The following LRP12 variants were observed in gnomAD, a reference collection of about 807,000 sequenced individuals.
LRP12 encodes the protein LDL receptor related protein 12.
LRP12 carries 14 observed loss-of-function variants against 66.0 expected under a neutral mutation model. The ratio of observed to expected loss-of-function variants is 0.21; its 90% CI spans 0.14 to 0.33. LRP12 has a LOEUF of 0.33. Ranked by LOEUF, LRP12 falls within the 10% of genes least tolerant of loss-of-function variation. The pLI, the probability that LRP12 is intolerant of heterozygous loss-of-function variation, is 1.00. For synonymous variants in LRP12, 357 were observed against 359.1 expected (o/e 0.99, Z 0.07); for missense variants, 889 against 1,053.4 (o/e 0.84, Z 2.16).
At chr8:104,529,702 A>G (rs569164005) in intron 2 of LRP12, among the ~76,000 whole-genome samples, 18 of 152,352 alleles carry the variant, frequency 1.2e-4, no homozygotes, top group African/African-American at 3.8e-4. Context: ...CATTATAAAA[A>G]CATACATGGT....
Position 104,588,964 on chromosome 8 carries a change from A to ACGCCGACGCCGCCGC in LRP12, c.-82_-68dup, listed in dbSNP as rs1197832430. The ACGCCGACGCCGCCGC allele has an allele frequency of 3.8e-5, 34 of 905,916 alleles. No individual in the cohort carries two copies. The East Asian group carries it at 1.1e-3, about 30-fold the overall frequency. 56.1% of individuals were successfully genotyped at this position (905,916 alleles called of 1,614,324 possible). A position where few individuals can be genotyped will look rare whatever the true frequency, so the allele number is the denominator to read the frequency against. ...AGGGAGGAGAAGCTGGAGGTAGACGACGCCGACGCCGCCGCCGCCGCCGCC... is the reference window on the plus strand; with the variant it reads ...AGGGAGGAGAAGCTGGAGGTAGACGACGCCGACGCCGCCGCCGCCGACGCCGCCGCCGCCGCCGCC... On this transcript the variant is annotated 5_prime_UTR_variant, in exon 1 of 7. Transcript: ENST00000276654.
chr8:104,506,200 C>G (rs944667576), intron 3 of LRP12: 2 of 151,706 alleles, frequency 1.3e-5, no homozygotes, highest in Admixed American at 6.6e-5. Context: ...CTTTGTAATG[C>G]TATGTATTTT....
intron 1 of LRP12, among the ~76,000 whole-genome samples, chr8:104,571,494 A>G (rs920514544): frequency 6.6e-6 from 1 of 152,170 alleles, no homozygotes; most frequent in Non-Finnish European, 1.5e-5. Flanking sequence ...GTGAGTTCTC[A>G]TGAGATCTGA....
At chr8:104,533,110 CAATT>C (rs1429817006) in intron 1 of LRP12, among the ~76,000 whole-genome samples, 3 of 152,104 alleles carry the variant, frequency 2.0e-5, no homozygotes, top group Admixed American at 6.6e-5. Flanking sequence ...ATATTTCCCT[CAATT>C]AAGAATGAAA....
At chr8:104,580,358 T>TACAAAAAAAAAAA (rs1554712302) in intron 1 of LRP12, among the ~76,000 whole-genome samples, 2 of 92,196 alleles carry the variant, frequency 2.2e-5, no homozygotes, top group Admixed American at 1.2e-4. Flanking sequence ...CTACTAAAAA[T>TACAAAAAAAAAAA]AAAAAAAAAA....
At chr8:104,573,037 C>T (rs1812106041) in intron 1 of LRP12, among the ~76,000 whole-genome samples, 1 of 152,150 alleles carries the variant, frequency 6.6e-6, no homozygotes, top group African/African-American at 2.4e-5. Context: ...GAATCGTATA[C>T]AAATGTAATT....
intron 1 of LRP12, chr8:104,565,963 AGGGAGAGGGGGCGACG>A (rs1408535787): frequency 5.6e-5 from 4 of 71,978 alleles, no homozygotes; most frequent in South Asian, 4.5e-4. Context: ...AGGGAGAGAG[AGGGAGAGGGGGCGACG>A]GGGAGAGGGG....
chr8:104,570,603 T>A (rs1324951563), intron 1 of LRP12, among the ~76,000 whole-genome samples: 1 of 152,170 alleles, frequency 6.6e-6, no homozygotes, highest in Non-Finnish European at 1.5e-5. Context: ...TTTTTAAACC[T>A]CATACCTTTT....
At position 104,497,847 on chromosome 8, in the gene LRP12, T is replaced by G; in HGVS notation, c.705A>C (p.Glu235Asp). ...RFTKVYTCLP[E>D]SLKCDGNIDC... is the part of the protein sequence containing the mutation. ...CAATGTTCCCATCACATTTTAAAGA[T>G]TCGGGGAGGCAAGTGTAAACTTTGG... Residue 235 changes from glutamate to aspartate, a missense_variant, in exon 5 of 7, where the codon GAA (glutamate) becomes GAC (aspartate). Transcript: ENST00000276654. This position sits in a 1 kb window ranked among gnomAD's most constrained non-coding sequence, Gnocchi z 4.3. 6.2e-7 allele frequency: 1 copy of G among 1,614,208 alleles called. No individual in the cohort carries two copies.
At position 104,496,995 on chromosome 8, in the gene LRP12, A is replaced by G. The variant is rs770335154; in HGVS notation, c.1557T>C (p.Tyr519=). 1.9e-5 allele frequency: 29 copies of G among 1,534,834 alleles called. No individual in the cohort carries two copies. The African/African-American group carries it at 3.7e-4, about 20-fold the overall frequency. ...ACCTTCTTTCAAACATTCTCAGAGA[A>G]TAAAGCTTACAAGTACATCCCAATG... The part of the protein sequence containing the change: ...VIALGCTCKL[Y]SLRMFERRSF... The change falls in exon 5 of 7, where the codon TAT becomes TAC. Residue 519 remains tyrosine (Y), a synonymous_variant. Transcript: ENST00000276654.
In LRP12 at chr8:104,559,450, C is replaced by CG. The variant is rs113096114; in HGVS notation, c.80-27488dup. Among the ~76,000 whole-genome samples, 8 of 151,838 alleles carry CG rather than the reference C, an allele frequency of 5.3e-5. No homozygotes were observed. In the East Asian group the frequency reaches 5.8e-4, roughly 11 times the overall value. Reference sequence around the variant, plus strand: ...AATGATACAATGGACTTTGGGGACTCGGGGGAAAAGAGTGAGGAGGGGTGA... The same window carrying CG: ...AATGATACAATGGACTTTGGGGACTCGGGGGGAAAAGAGTGAGGAGGGGTGA... On this transcript the variant is annotated intron_variant, in intron 1 of 6. Transcript: ENST00000276654.
intron 1 of LRP12, among the ~76,000 whole-genome samples, chr8:104,563,621 T>C (rs1392614278): frequency 6.6e-6 from 1 of 152,114 alleles, no homozygotes; most frequent in African/African-American, 2.4e-5. Context: ...GGTGGAGTCT[T>C]TGTACCTCAT....
Position 104,490,927 on chromosome 8 carries a change from G to C in LRP12, c.2326C>G (p.Leu776Val), listed in dbSNP as rs1010435217. ...GREDDDDVEM[L>V]IPISDGSSDF... Reference sequence around the variant, plus strand: ...GAAGATCCATCAGAAATTGGAATTAGCATTTCAACATCATCATCATCTTCT... The same window carrying C: ...GAAGATCCATCAGAAATTGGAATTACCATTTCAACATCATCATCATCTTCT... The change falls in exon 7 of 7, where the codon CTA (leucine) becomes GTA (valine). Residue 776 changes from leucine to valine, a missense_variant. Coordinates refer to ENST00000276654, the MANE Select transcript of LRP12 (RefSeq NM_013437.5). The C allele has an allele frequency of 3.1e-6, 5 of 1,614,038 alleles. No individual in the cohort carries two copies. The highest frequency in any genetic ancestry group is 3.4e-6 in the Non-Finnish European group (4 of 1,180,022).
At chr8:104,532,374 A>T (rs1468853903) in intron 1 of LRP12, among the ~76,000 whole-genome samples, 4 of 136,732 alleles carry the variant, frequency 2.9e-5, no homozygotes, top group African/African-American at 5.4e-5. Context: ...GTTGGTACTT[A>T]AAAAAAAAAA....
At chr8:104,509,888 T>A (rs1051287620) in intron 2 of LRP12, among the ~76,000 whole-genome samples, 1 of 152,128 alleles carries the variant, frequency 6.6e-6, no homozygotes, top group Non-Finnish European at 1.5e-5. Context: ...TGGACAGCAA[T>A]CAGGTTTGGT....
rs143338216 is a variant in LRP12 at position 104,589,084 on chromosome 8, C to G, written c.-187G>C. 1.3e-3 allele frequency: 348 copies of G among 277,554 alleles called. 5 individuals carry two copies. The highest frequency in any genetic ancestry group is 3.3e-3 in the East Asian group (43 of 12,888). 17.2% of individuals were successfully genotyped at this position (277,554 alleles called of 1,614,324 possible). A position where few individuals can be genotyped will look rare whatever the true frequency, so the allele number is the denominator to read the frequency against. On this transcript the variant is annotated 5_prime_UTR_variant, in exon 1 of 7. Transcript: ENST00000276654. ...GCCGCCCGCGCGCGCTCCCTCCTCC[C>G]TCCTCCCTCCGGCTCGCCTGCTCCC... is the stretch of plus-strand genomic sequence containing the variant.
At chr8:104,548,550 G>T (rs1276345170) in intron 1 of LRP12, among the ~76,000 whole-genome samples, 5 of 106,508 alleles carry the variant, frequency 4.7e-5, no homozygotes, top group Middle Eastern at 5.3e-3. Flanking sequence ...GTTATATTTT[G>T]TATATGATAT....
intron 2 of LRP12, among the ~76,000 whole-genome samples, chr8:104,529,346 T>C (rs571138759): frequency 6.6e-6 from 1 of 152,172 alleles, no homozygotes; most frequent in Non-Finnish European, 1.5e-5. Flanking sequence ...AAAATAAATT[T>C]ATGTTGTTTA....
chr8:104,589,194 G>A lies in LRP12; in HGVS notation c.-297C>T, dbSNP rs1193652270. Among the ~76,000 whole-genome samples, 1 of 151,648 alleles carries A rather than the reference G, an allele frequency of 6.6e-6. No homozygotes were observed. The highest frequency in any genetic ancestry group is 1.5e-5 in the Non-Finnish European group (1 of 67,852). On this transcript the variant is annotated 5_prime_UTR_variant, in exon 1 of 7. Coordinates refer to ENST00000276654, the MANE Select transcript of LRP12 (RefSeq NM_013437.5). Reference sequence around the variant, plus strand: ...CTCGCGCGCCAGCGCGAGACGAGAGGGTGGCGGACGCCGGACTCCGGCCTC... The same window carrying A: ...CTCGCGCGCCAGCGCGAGACGAGAGAGTGGCGGACGCCGGACTCCGGCCTC...
Sources: allele counts gnomAD v4.1 joint callset (sites outside exome capture counted in the v4.1 genomes callset), GRCh38; gene constraint gnomAD v4.1.1; non-coding constraint Gnocchi (gnomAD v3.1); transcripts MANE v1.5; gene names NCBI Gene and HGNC (gene_info 2026-07-23, HGNC 2026-07-21).